IL1RL2: variants seen among roughly 807,000 people sequenced by gnomAD.
IL1RL2 encodes interleukin-1 receptor-like 2.
A neutral mutation model predicts 66.8 loss-of-function variants in IL1RL2; 68 were observed. The ratio of observed to expected loss-of-function variants is 1.02; its 90% CI spans 0.84 to 1.25. IL1RL2 has a LOEUF of 1.25. Ranked by LOEUF, IL1RL2 falls within the 50% of genes most tolerant of loss-of-function variation. IL1RL2 has a pLI of 0.00. For synonymous variants in IL1RL2, 305 were observed against 264.6 expected (o/e 1.15, Z -1.48); for missense variants, 729 against 709.3 (o/e 1.03, Z -0.32).
intron 10 of IL1RL2, among the ~76,000 whole-genome samples, 178 bp downstream of exon 10, chr2:102,233,302 G>A (rs1222487940): frequency 1.3e-5 from 2 of 152,058 alleles, no homozygotes; most frequent in South Asian, 2.1e-4. Flanking sequence ...TTAGGCCCAA[G>A]CTCTTTGCCT....
intron 11 of IL1RL2, 109 bp downstream of exon 11, chr2:102,235,386 GA>G: frequency 6.7e-7 from 1 of 1,502,570 alleles, no homozygotes; most frequent in Non-Finnish European, 8.8e-7. Flanking sequence ...CGTCTGCTCT[GA>G]AGCTGGCAGT....
rs13401270 is a variant in IL1RL2 at position 102,203,266 on chromosome 2, G to T, written c.649+1551G>T. Among the ~76,000 whole-genome samples, 824 of 151,908 alleles carry T rather than the reference G, an allele frequency of 5.4e-3. 12 individuals carry two copies. The highest frequency in any genetic ancestry group is 0.019 in the African/African-American group (791 of 41,428). On this transcript the variant is annotated intron_variant, in intron 5 of 11. Coordinates refer to ENST00000264257, the MANE Select transcript of IL1RL2 (RefSeq NM_003854.4). ...TGAATGATCTTTCTAATGTATTGTT[G>T]AATTCTGTTTGCTAGTACTTTGTTG...
At chr2:102,227,087 T>C (rs1690685940) in intron 9 of IL1RL2, among the ~76,000 whole-genome samples, 1 of 152,206 alleles carries the variant, frequency 6.6e-6, no homozygotes, top group Non-Finnish European at 1.5e-5. Flanking sequence ...ACTTTTGTTT[T>C]GTTTTGTTTT....
intron 5 of IL1RL2, among the ~76,000 whole-genome samples, chr2:102,202,981 G>A (rs922805148): frequency 6.6e-6 from 1 of 152,140 alleles, no homozygotes; most frequent in Non-Finnish European, 1.5e-5. Flanking sequence ...AAGGCTTTCG[G>A]TTTTTCCCCA....
At chr2:102,194,907 ATT>A (rs56052426) in intron 4 of IL1RL2, among the ~76,000 whole-genome samples, 25 of 147,892 alleles carry the variant, frequency 1.7e-4, no homozygotes, top group African/African-American at 6.0e-4. Flanking sequence ...AGGAGGTATC[ATT>A]TTTTTTTTTC....
In IL1RL2 at chr2:102,214,411, G is replaced by A. The variant is rs532226962; in HGVS notation, c.724+2237G>A. ...ACATGCCTGAAATAGCATATATTAT[G>A]TAATCAGGGAAAACAGCATTCACAA... On this transcript the variant is annotated intron_variant, in intron 6 of 11. Transcript: ENST00000264257. Among the ~76,000 whole-genome samples the A allele has an allele frequency of 2.0e-5, 3 of 152,202 alleles. No homozygotes were observed. In the East Asian group the frequency reaches 5.8e-4, roughly 29 times the overall value.
chr2:102,218,757 C>T (rs1689833675), intron 6 of IL1RL2, among the ~76,000 whole-genome samples, 196 bp from the exon 7 acceptor site: 2 of 152,146 alleles, frequency 1.3e-5, no homozygotes, highest in Non-Finnish European at 2.9e-5. Flanking sequence ...CAATGGTTGT[C>T]CTGGAAGGCC....
In IL1RL2 at chr2:102,219,960, C is replaced by A; in HGVS notation, c.934C>A (p.Leu312Ile). 2.5e-6 allele frequency: 4 copies of A among 1,613,870 alleles called. No homozygotes were observed. The highest frequency in any genetic ancestry group is 3.4e-6 in the Non-Finnish European group (4 of 1,179,866). The change falls in exon 8 of 12, where the codon CTT becomes ATT. Residue 312 changes from leucine (L) to isoleucine (I), a missense_variant. Transcript: ENST00000264257. ...GGAAGTGAAAATGGAAGATTATGGCCTTCCTTTCATGTGCCACGCTGGAGT... is the reference window on the plus strand; with the variant it reads ...GGAAGTGAAAATGGAAGATTATGGCATTCCTTTCATGTGCCACGCTGGAGT... ...FLEVKMEDYG[L>I]PFMCHAGVST...
Position 102,197,272 on chromosome 2 carries a change from G to A in IL1RL2, c.490-4284G>A, listed in dbSNP as rs74835626. ...AGGAGAGGGATGAAGGGATCCATCA[G>A]AATGGGTCTTTGCAGGTGAAGATGC... is the stretch of plus-strand genomic sequence containing the variant. On this transcript the variant is annotated intron_variant, in intron 4 of 11. Transcript: ENST00000264257. 2.7e-3 allele frequency among the ~76,000 whole-genome samples: 411 copies of A among 152,292 alleles called. 2 individuals carry two copies. Among genetic ancestry groups the A allele is most frequent in the African/African-American group, 9.2e-3 (381 of 41,554 alleles).
chr2:102,201,500 G>T, intron 4 of IL1RL2, 56 bp from the exon 5 acceptor site: 4 of 1,514,842 alleles, frequency 2.6e-6, no homozygotes, highest in Non-Finnish European at 3.7e-6. Flanking sequence ...AAATACTAGG[G>T]ATCACACAGG....
chr2:102,225,364 T>A (rs1268190433), intron 8 of IL1RL2, among the ~76,000 whole-genome samples: 1 of 152,258 alleles, frequency 6.6e-6, no homozygotes, highest in Non-Finnish European at 1.5e-5. Flanking sequence ...TCTTGGCCTG[T>A]CTTGTGGAGC....
downstream of IL1RL2, among the ~76,000 whole-genome samples, chr2:102,240,882 C>G (rs1252518085): frequency 6.6e-6 from 1 of 152,268 alleles, no homozygotes; most frequent in Non-Finnish European, 1.5e-5. Flanking sequence ...GAAAGCAGCT[C>G]ACTGGGTGAA....
intron 6 of IL1RL2, among the ~76,000 whole-genome samples, chr2:102,216,440 CT>C (rs1178662733): frequency 6.6e-6 from 1 of 152,042 alleles, no homozygotes; most frequent in Non-Finnish European, 1.5e-5. Flanking sequence ...TATATGTATC[CT>C]TACTGGACCT....
At chr2:102,239,078 C>T in intron 11 of IL1RL2, 114 bp from the exon 12 acceptor site, 1 of 847,244 alleles carries the variant, frequency 1.2e-6, no homozygotes, top group Non-Finnish European at 2.0e-6. Context: ...GGATATACCA[C>T]CAGATGAACT....
chr2:102,193,698 A>G (rs1183798407), intron 4 of IL1RL2, among the ~76,000 whole-genome samples: 1 of 152,184 alleles, frequency 6.6e-6, no homozygotes, highest in Non-Finnish European at 1.5e-5. Context: ...TGAACTTTGT[A>G]TTATAAGCCT....
chr2:102,199,743 A>T (rs1216760190), intron 4 of IL1RL2, among the ~76,000 whole-genome samples: 1 of 152,228 alleles, frequency 6.6e-6, no homozygotes, highest in East Asian at 1.9e-4. Flanking sequence ...TGAACCCATC[A>T]GAAAGAGGAC....
intron 8 of IL1RL2, among the ~76,000 whole-genome samples, chr2:102,225,333 A>T (rs1690505464): frequency 6.6e-6 from 1 of 152,258 alleles, no homozygotes; most frequent in African/African-American, 2.4e-5. Flanking sequence ...TGGCACAGAA[A>T]GGATGAGGTG....
intron 5 of IL1RL2, among the ~76,000 whole-genome samples, chr2:102,209,482 A>C (rs1688974881): frequency 6.6e-6 from 1 of 151,986 alleles, no homozygotes; most frequent in African/African-American, 2.4e-5. Context: ...GGCAGAGAGA[A>C]CAGAGGGAAC....
At chr2:102,234,315 G>A (rs1200165219) in intron 10 of IL1RL2, among the ~76,000 whole-genome samples, 1 of 152,152 alleles carries the variant, frequency 6.6e-6, no homozygotes, top group Non-Finnish European at 1.5e-5. Context: ...GGAACCATCA[G>A]ATACTTGTTG....
Sources: gnomAD v4.1 joint callset for allele counts (sites outside exome capture counted in the v4.1 genomes callset) on GRCh38, gnomAD v4.1.1 for gene constraint, MANE v1.5 for transcripts, NCBI Gene and HGNC (gene_info 2026-07-23, HGNC 2026-07-21) for gene names.